Variants in HECTD4 observed in about 807,000 individuals in gnomAD.
HECTD4 encodes the protein probable E3 ubiquitin-protein ligase HECTD4.
HECTD4 carries 114 observed loss-of-function variants against 471.5 expected under a neutral mutation model. That is an observed-to-expected ratio of 0.24 (90% CI 0.21 to 0.28). The LOEUF is 0.28. HECTD4 is among the 10% of genes least tolerant of loss of function. HECTD4 has a pLI of 1.00. For missense variants in HECTD4, 3,866 were observed against 5,651.5 expected (o/e 0.68, Z 10.13); for synonymous variants, 2,012 against 2,256.0 (o/e 0.89, Z 3.07).
chr12:112,269,799 G>A lies in HECTD4; in HGVS notation c.2226C>T (p.Ile742=), dbSNP rs2034375985. The A allele has an allele frequency of 6.2e-7, 1 of 1,613,792 alleles. No homozygotes were observed. Among genetic ancestry groups the A allele is most frequent in the African/African-American group, 1.3e-5 (1 of 74,930 alleles). Residue 742 remains isoleucine (I), a synonymous_variant, in exon 13 of 76, where the codon ATC becomes ATT. Transcript: ENST00000682272. ...AAAGAAGCAATCCCGACCGTCGAAT[G>A]ATGTCTCGATTCCTTTCAGTTTGTG... ...FSPQTERNRD[I]IRRSGLLLWQ...
At chr12:112,187,818 C>CGTGG (rs2031931690) in intron 60 of HECTD4, among the ~76,000 whole-genome samples, 10 of 148,856 alleles carry the variant, frequency 6.7e-5, no homozygotes, top group South Asian at 4.3e-4. Context: ...AGTAGAGACA[C>CGTGG]GGTTTCACTG....
chr12:112,180,809 A>T (rs2031641653), intron 62 of HECTD4, among the ~76,000 whole-genome samples: 1 of 152,204 alleles, frequency 6.6e-6, no homozygotes, highest in Non-Finnish European at 1.5e-5. Context: ...AACGCACGCC[A>T]ATGTGGGACA....
At chr12:112,283,493 T>G (rs1341125955) in intron 7 of HECTD4, among the ~76,000 whole-genome samples, 191 bp from the exon 8 acceptor site, 1 of 152,200 alleles carries the variant, frequency 6.6e-6, no homozygotes, top group Admixed American at 6.5e-5. Flanking sequence ...GTTTGAGATC[T>G]TTCACTTTTC....
At chr12:112,299,894 T>C (rs569147208) in intron 7 of HECTD4, among the ~76,000 whole-genome samples, 4 of 152,240 alleles carry the variant, frequency 2.6e-5, no homozygotes, top group Non-Finnish European at 4.4e-5. Context: ...CAGCTTTTGA[T>C]TACATAACTA....
chr12:112,172,791 G>A lies in HECTD4; in HGVS notation c.11665C>T (p.Leu3889Phe), dbSNP rs2031280653. 1 of 1,614,024 alleles carries A rather than the reference G, an allele frequency of 6.2e-7. No individual in the cohort carries two copies. The highest frequency in any genetic ancestry group is 8.5e-7 in the Non-Finnish European group (1 of 1,179,888). The change falls in exon 67 of 76, where the codon CTT (leucine) becomes TTT (phenylalanine). Residue 3889 changes from leucine (L) to phenylalanine (F), a missense_variant. By Grantham distance (22) the Leu-to-Phe change is conservative. Transcript: ENST00000682272. ...RKWTLEMDVA[L>F]VQYINQLCRH... ...CATAGCTGGTTGATGTACTGCACAA[G>A]TGCCACGTCCATCTCCAGGGTCCAC...
At chr12:112,342,660 G>A (rs1041186467) in intron 1 of HECTD4, among the ~76,000 whole-genome samples, 16 of 152,184 alleles carry the variant, frequency 1.1e-4, no homozygotes, top group African/African-American at 3.4e-4. Flanking sequence ...ATGAATACAC[G>A]AAAATATTCT....
At chr12:112,178,363 T>C (rs7973898) in intron 64 of HECTD4, among the ~76,000 whole-genome samples, 21,352 of 152,278 alleles carry the variant, frequency 0.14, 1,853 homozygotes, top group African/African-American at 0.24. Context: ...ATTATTTGTG[T>C]GACTAAAAGA....
At chr12:112,365,364 C>G (rs1195101195) in intron 1 of HECTD4, among the ~76,000 whole-genome samples, 1 of 152,114 alleles carries the variant, frequency 6.6e-6, no homozygotes, top group Non-Finnish European at 1.5e-5. Context: ...CCACTGCACT[C>G]TGGCCTAGGT....
intron 65 of HECTD4, 68 bp downstream of exon 65, chr12:112,176,528 C>CTG: frequency 9.0e-7 from 1 of 1,112,814 alleles, no homozygotes; most frequent in Non-Finnish European, 1.4e-6. Context: ...GCCTGCTCCT[C>CTG]GGGGGGTGCC....
rs576473716 is a variant in HECTD4, at chr12:112,296,877, G to C, written c.1335+9187C>G. ...AGGTGCAGATGGTGTAGGTGCAGAAGGTGGAGGTGCAGTGGATGTAGGTGC... is the reference window on the plus strand; with the variant it reads ...AGGTGCAGATGGTGTAGGTGCAGAACGTGGAGGTGCAGTGGATGTAGGTGC... On this transcript the variant is annotated intron_variant, in intron 7 of 75. Transcript: ENST00000682272. Among the ~76,000 whole-genome samples the C allele has an allele frequency of 2.0e-5, 3 of 150,826 alleles. No homozygotes were observed. In the South Asian group the frequency reaches 6.3e-4, roughly 32 times the overall value.
intron 9 of HECTD4, among the ~76,000 whole-genome samples, chr12:112,275,444 G>A (rs943354737): frequency 1.3e-5 from 2 of 152,130 alleles, no homozygotes; most frequent in Admixed American, 1.3e-4. Flanking sequence ...GTATTAAAGA[G>A]CATGGACTTT....
chr12:112,201,006 ATAT>A, intron 54 of HECTD4: 1 of 595,236 alleles, frequency 1.7e-6, no homozygotes, highest in East Asian at 3.3e-5. Flanking sequence ...TTTGAAACAC[ATAT>A]TATAAGTAAT....
At chr12:112,248,574 T>G (rs1566086734) in intron 25 of HECTD4, 62 bp from the exon 26 acceptor site, 2 of 1,074,320 alleles carry the variant, frequency 1.9e-6, no homozygotes, top group Non-Finnish European at 2.6e-6. Context: ...AATACTGTAT[T>G]TTATTTTTAT....
intron 32 of HECTD4, among the ~76,000 whole-genome samples, chr12:112,241,233 T>A (rs1439233648): frequency 6.6e-6 from 1 of 152,196 alleles, no homozygotes; most frequent in Non-Finnish European, 1.5e-5. Flanking sequence ...GGAATAGTGC[T>A]GCCAGTTTTA....
chr12:112,363,179 T>C (rs996930942), intron 1 of HECTD4, among the ~76,000 whole-genome samples: 2 of 152,160 alleles, frequency 1.3e-5, no homozygotes, highest in African/African-American at 4.8e-5. Flanking sequence ...CATTCTTTTT[T>C]AATTTTTTAA....
At chr12:112,305,568 G>A (rs926138925) in intron 7 of HECTD4, among the ~76,000 whole-genome samples, 5 of 151,792 alleles carry the variant, frequency 3.3e-5, no homozygotes, top group African/African-American at 9.7e-5. Flanking sequence ...CCCAACTCTG[G>A]AGCCTGAATA....
At chr12:112,263,681 GA>G (rs915746031) in intron 17 of HECTD4, among the ~76,000 whole-genome samples, 9 of 149,576 alleles carry the variant, frequency 6.0e-5, no homozygotes, top group African/African-American at 2.0e-4. Context: ...CTAAAATTTT[GA>G]AATTATTTAA....
intron 1 of HECTD4, among the ~76,000 whole-genome samples, chr12:112,355,332 A>G (rs951601385): frequency 2.3e-4 from 34 of 148,948 alleles, no homozygotes; most frequent in African/African-American, 8.4e-4. Flanking sequence ...ACGGTGGCCG[A>G]CACCTGTAAT....
intron 2 of HECTD4, among the ~76,000 whole-genome samples, 171 bp from the exon 3 acceptor site, chr12:112,314,717 T>G (rs992463032): frequency 3.3e-5 from 5 of 152,248 alleles, no homozygotes; most frequent in African/African-American, 9.6e-5. Flanking sequence ...CTATCACCAT[T>G]GGCTCATACA....
Sources: gnomAD v4.1 joint callset for allele counts (sites outside exome capture counted in the v4.1 genomes callset) on GRCh38, gnomAD v4.1.1 for gene constraint, MANE v1.5 for transcripts, NCBI Gene and HGNC (gene_info 2026-07-23, HGNC 2026-07-21) for gene names.